The following CCN4 variants were observed in gnomAD, a reference collection of about 807,000 sequenced individuals.
CCN4 encodes cellular communication network factor 4, also known as CCN family member 4.
A neutral mutation model predicts 36.7 loss-of-function variants in CCN4; 30 were observed. The ratio of observed to expected loss-of-function variants is 0.82; its 90% confidence interval spans 0.61 to 1.11. The LOEUF is 1.11. CCN4 is among the 50% of genes least tolerant of loss of function. The pLI is 0.00. For synonymous variants in CCN4, 191 were observed against 195.4 expected (o/e 0.98, Z 0.19); for missense variants, 505 against 504.9 (o/e 1.00, Z 0.00).
rs1853967797 is a variant in CCN4, at chr8:133,210,388, TG to T, written c.70-2475del. 2.7e-4 allele frequency among the ~76,000 whole-genome samples: 16 copies of T among 58,940 alleles called. No homozygotes were observed. In the East Asian group the frequency reaches 7.6e-3, roughly 28 times the overall value. 38.7% of individuals were successfully genotyped at this position (58,940 alleles called of 152,430 possible). Reference sequence around the variant, plus strand: ...CTCTCCCCAAAGTCAAAAAGAGGGGTGTGTGTGTGTGTGTGTGTGTGTGTGT... The same window carrying T: ...CTCTCCCCAAAGTCAAAAAGAGGGGTTGTGTGTGTGTGTGTGTGTGTGTGT... On this transcript the variant is annotated intron_variant, in intron 1 of 4. Transcript: ENST00000250160.
At chr8:133,225,943 T>C (rs954561031) in intron 4 of CCN4, among the ~76,000 whole-genome samples, 4 of 152,098 alleles carry the variant, frequency 2.6e-5, no homozygotes, top group Non-Finnish European at 5.9e-5. Context: ...CTGGGTGATA[T>C]AGAGAGCACT....
At chr8:133,225,029 G>A (rs139788026) in intron 3 of CCN4, among the ~76,000 whole-genome samples, 28 of 152,140 alleles carry the variant, frequency 1.8e-4, no homozygotes, top group East Asian at 1.7e-3. Context: ...GTTGCCAGCC[G>A]CACAGGCAGG....
At position 133,229,118 on chromosome 8, in the gene CCN4, A is replaced by G. The variant is rs1854858894; in HGVS notation, c.*1408A>G. On this transcript the variant is annotated 3_prime_UTR_variant, in exon 5 of 5. Coordinates refer to ENST00000250160, the MANE Select transcript of CCN4 (RefSeq NM_003882.4). The stretch of plus-strand genomic sequence containing the variant: ...CTGAATCTTCACGACAATGTTGAGA[A>G]GTTCCCATTATTATTTCTGTTCTTA... 6.6e-6 allele frequency: 1 copy of G among 152,218 alleles called. No homozygotes were observed. The highest frequency in any genetic ancestry group is 2.4e-5 in the African/African-American group (1 of 41,464). 9.4% of individuals were successfully genotyped at this position (152,218 alleles called of 1,614,324 possible). A position where few individuals can be genotyped will look rare whatever the true frequency, so the allele number is the denominator to read the frequency against.
At chr8:133,196,529 C>G (rs894667046) in intron 1 of CCN4, among the ~76,000 whole-genome samples, 1 of 152,052 alleles carries the variant, frequency 6.6e-6, no homozygotes, top group East Asian at 1.9e-4. Context: ...TTGTATTTTA[C>G]TAGATGGTGT....
At chr8:133,218,364 C>A (rs578154370) in intron 2 of CCN4, among the ~76,000 whole-genome samples, 1 of 152,264 alleles carries the variant, frequency 6.6e-6, no homozygotes, top group Admixed American at 6.5e-5. Flanking sequence ...AAAACAATAG[C>A]CGCAGCAAGG....
chr8:133,226,474 T>G (rs1407391618), intron 4 of CCN4, among the ~76,000 whole-genome samples: 1 of 152,234 alleles, frequency 6.6e-6, no homozygotes, highest in Non-Finnish European at 1.5e-5. Flanking sequence ...TTCTCTTCTT[T>G]CTTCTTCCTC....
chr8:133,211,555 G>T lies in CCN4; in HGVS notation c.70-1309G>T, dbSNP rs530850299. Among the ~76,000 whole-genome samples the T allele has an allele frequency of 3.3e-5, 5 of 152,336 alleles. No homozygotes were observed. The South Asian group carries it at 1.0e-3, about 32-fold the overall frequency. ...CCTTCCTCCCCTGTAAAGGAGGAAA[G>T]AATTTGTCTGAGTAGCTCAGCACCG... On this transcript the variant is annotated intron_variant, in intron 1 of 4. Transcript: ENST00000250160.
intron 1 of CCN4, among the ~76,000 whole-genome samples, chr8:133,203,991 C>T (rs929946948): frequency 3.9e-5 from 6 of 152,334 alleles, no homozygotes; most frequent in South Asian, 4.1e-4. Context: ...TAAATATTAT[C>T]TCAAAAATAC....
chr8:133,225,975 G>A (rs1854721589), intron 4 of CCN4, among the ~76,000 whole-genome samples: 1 of 152,152 alleles, frequency 6.6e-6, no homozygotes, highest in Non-Finnish European at 1.5e-5. Flanking sequence ...AGGACCCCTA[G>A]AGTCAAATGT....
chr8:133,207,563 T>C (rs186611665), intron 1 of CCN4, among the ~76,000 whole-genome samples: 4 of 152,370 alleles, frequency 2.6e-5, no homozygotes, highest in African/African-American at 9.6e-5. Flanking sequence ...GTTCCATCCC[T>C]GACTACCTGA....
intron 1 of CCN4, among the ~76,000 whole-genome samples, chr8:133,199,281 T>C (rs2130537002): frequency 6.6e-6 from 1 of 152,308 alleles, no homozygotes; most frequent in African/African-American, 2.4e-5. Context: ...ACAAGAAGAA[T>C]GCCCCTCTGC....
intron 2 of CCN4, among the ~76,000 whole-genome samples, chr8:133,213,409 G>C (rs73711812): frequency 0.073 from 11,112 of 152,150 alleles, 1,326 homozygotes; most frequent in African/African-American, 0.25. Context: ...AGGGAAGAGG[G>C]AGACGCCATG....
At chr8:133,202,067 A>G (rs1006466133) in intron 1 of CCN4, among the ~76,000 whole-genome samples, 8 of 152,178 alleles carry the variant, frequency 5.3e-5, no homozygotes, top group Admixed American at 3.3e-4. Flanking sequence ...TGGTTTTCTC[A>G]CTACTCTCTA....
At chr8:133,210,387 G>C (rs1317698554) in intron 1 of CCN4, among the ~76,000 whole-genome samples, 1 of 42,172 alleles carries the variant, frequency 2.4e-5, no homozygotes, top group Non-Finnish European at 3.7e-5. Flanking sequence ...AAAAAGAGGG[G>C]TGTGTGTGTG....
chr8:133,217,195 A>G (rs1854348447), intron 2 of CCN4, among the ~76,000 whole-genome samples: 1 of 152,252 alleles, frequency 6.6e-6, no homozygotes, highest in Admixed American at 6.5e-5. Context: ...AATAAAGAGT[A>G]CAGCTCACCC....
chr8:133,208,334 G>A (rs919281422), intron 1 of CCN4, among the ~76,000 whole-genome samples: 9 of 152,176 alleles, frequency 5.9e-5, no homozygotes, highest in East Asian at 1.9e-4. Context: ...TAGCAATGCC[G>A]TTTTACAGAG....
chr8:133,212,812 G>T (rs968146345), intron 1 of CCN4, 52 bp from the exon 2 acceptor site: 2 of 1,407,530 alleles, frequency 1.4e-6, no homozygotes, highest in Non-Finnish European at 1.9e-6. Context: ...CCCTTTGGGC[G>T]TTGAAACCCC....
At chr8:133,196,936 A>G (rs553458528) in intron 1 of CCN4, among the ~76,000 whole-genome samples, 2 of 152,304 alleles carry the variant, frequency 1.3e-5, no homozygotes, top group East Asian at 1.9e-4. Flanking sequence ...GCTGAGGGGC[A>G]GACTAATGGG....
intron 1 of CCN4, among the ~76,000 whole-genome samples, chr8:133,209,385 C>G (rs1390783742): frequency 3.9e-5 from 6 of 152,220 alleles, no homozygotes; most frequent in Non-Finnish European, 8.8e-5. Flanking sequence ...AGGGTTTTCC[C>G]CTGCACAGAT....
Sources: allele counts gnomAD v4.1 joint callset (sites outside exome capture counted in the v4.1 genomes callset), GRCh38; gene constraint gnomAD v4.1.1; transcripts MANE v1.5; gene names NCBI Gene and HGNC (gene_info 2026-07-23, HGNC 2026-07-21).